GALNT13: variants seen among roughly 807,000 people sequenced by gnomAD.
The protein encoded by GALNT13 is UDP-GalNAc:polypeptide N-acetylgalactosaminyltransferase 13.
GALNT13 carries 28 observed loss-of-function variants against 64.2 expected under a neutral mutation model. That is an observed-to-expected ratio of 0.44 (90% CI 0.32 to 0.60). GALNT13 has a LOEUF of 0.60. Among genes scored for constraint, GALNT13 ranks in the 20% least tolerant of loss-of-function variants. The pLI, the probability that GALNT13 is intolerant of heterozygous loss-of-function variation, is 0.05. For synonymous variants in GALNT13, 214 were observed against 224.6 expected, an observed-to-expected ratio of 0.95 and a Z score of 0.42; for missense variants, 577 against 669.8, an observed-to-expected ratio of 0.86 and a Z score of 1.53.
chr2:153,560,465 A>G, the GALNT13 span, among the ~76,000 whole-genome samples: 1 of 151,922 alleles, frequency 6.6e-6, no homozygotes, highest in Admixed American at 6.6e-5. Flanking sequence ...TAGAATTTTA[A>G]TTTTTTATAC....
At chr2:153,594,967 A>G in the GALNT13 span, among the ~76,000 whole-genome samples, 1 of 152,164 alleles carries the variant, frequency 6.6e-6, no homozygotes, top group Non-Finnish European at 1.5e-5. Context: ...AGTCTCAGGA[A>G]TGATGAAGCT....
chr2:153,692,875 C>T, the GALNT13 span, among the ~76,000 whole-genome samples: 15 of 152,220 alleles, frequency 9.9e-5, no homozygotes, highest in East Asian at 2.7e-3. Flanking sequence ...GAGTAAGACT[C>T]ATGAAAACTC....
At chr2:153,265,022 C>T in the GALNT13 span, among the ~76,000 whole-genome samples, 1 of 152,218 alleles carries the variant, frequency 6.6e-6, no homozygotes, top group Non-Finnish European at 1.5e-5. Context: ...CCTTATTTTA[C>T]TGTGGCTGAG....
At chr2:153,760,290 A>C in the GALNT13 span, among the ~76,000 whole-genome samples, 1 of 151,460 alleles carries the variant, frequency 6.6e-6, no homozygotes, top group African/African-American at 2.4e-5. Flanking sequence ...TTTCTTTTCT[A>C]ACATTTATTT....
At chr2:153,375,178 T>G in the GALNT13 span, among the ~76,000 whole-genome samples, 1 of 152,192 alleles carries the variant, frequency 6.6e-6, no homozygotes, top group Non-Finnish European at 1.5e-5. Flanking sequence ...ACTTTACATT[T>G]AAATCTATGA....
At chr2:153,483,974 A>G in the GALNT13 span, among the ~76,000 whole-genome samples, 3 of 152,180 alleles carry the variant, frequency 2.0e-5, no homozygotes, top group Non-Finnish European at 2.9e-5. Flanking sequence ...GCACAAAAAT[A>G]TGAATCTACT....
intron 4 of GALNT13, among the ~76,000 whole-genome samples, chr2:154,160,642 T>A (rs1464801878): frequency 6.6e-6 from 1 of 152,112 alleles, no homozygotes; most frequent in Non-Finnish European, 1.5e-5. Context: ...GATTATAATT[T>A]TATGGCCATT....
the GALNT13 span, among the ~76,000 whole-genome samples, chr2:153,839,285 C>G: frequency 6.6e-6 from 1 of 151,714 alleles, no homozygotes; most frequent in Non-Finnish European, 1.5e-5. Context: ...GCTAGAACTT[C>G]TAGTACTATA....
chr2:153,142,348 TGAA>T, the GALNT13 span, among the ~76,000 whole-genome samples: 6 of 151,970 alleles, frequency 3.9e-5, no homozygotes, highest in Admixed American at 3.3e-4. Flanking sequence ...TGGAAGTAAT[TGAA>T]GATGATAAAC....
At chr2:153,149,604 C>G in the GALNT13 span, among the ~76,000 whole-genome samples, 2 of 151,892 alleles carry the variant, frequency 1.3e-5, no homozygotes, top group African/African-American at 4.8e-5. Context: ...GGAATGTCAC[C>G]ATGGAGATCC....
chr2:153,787,289 C>A, the GALNT13 span, among the ~76,000 whole-genome samples: 1 of 152,136 alleles, frequency 6.6e-6, no homozygotes, highest in Non-Finnish European at 1.5e-5. Context: ...GACCGCTACA[C>A]TTAAGTGCCA....
the GALNT13 span, among the ~76,000 whole-genome samples, chr2:153,077,586 T>G: frequency 6.6e-6 from 1 of 152,210 alleles, no homozygotes; most frequent in Admixed American, 6.5e-5. Context: ...TACGACTAGC[T>G]GAGGTTAAGT....
At chr2:154,261,722 G>A (rs562878835) in intron 8 of GALNT13, among the ~76,000 whole-genome samples, 144 of 152,102 alleles carry the variant, frequency 9.5e-4, no homozygotes, top group Non-Finnish European at 1.1e-3. Flanking sequence ...ACAGAGATGC[G>A]TAGGTGTTAT....
At chr2:154,017,678 G>A (rs1697102821) in intron 3 of GALNT13, among the ~76,000 whole-genome samples, 1 of 152,016 alleles carries the variant, frequency 6.6e-6, no homozygotes, top group Non-Finnish European at 1.5e-5. Flanking sequence ...TATCGCTCTG[G>A]CAAATGAGTA....
At chr2:153,728,206 C>T in the GALNT13 span, among the ~76,000 whole-genome samples, 32 of 152,212 alleles carry the variant, frequency 2.1e-4, no homozygotes, top group African/African-American at 7.7e-4. Context: ...AATAAACATA[C>T]GTGTGCATAT....
At chr2:153,432,528 G>A in the GALNT13 span, among the ~76,000 whole-genome samples, 1 of 152,182 alleles carries the variant, frequency 6.6e-6, no homozygotes, top group Non-Finnish European at 1.5e-5. Context: ...TTCAAGGTCA[G>A]TGACCCTACA....
At chr2:154,392,189 C>A (rs1698829176) in intron 9 of GALNT13, among the ~76,000 whole-genome samples, 1 of 152,158 alleles carries the variant, frequency 6.6e-6, no homozygotes, top group African/African-American at 2.4e-5. Context: ...GGAAGTCAAT[C>A]ACCAAGACAA....
upstream of GALNT13, among the ~76,000 whole-genome samples, chr2:153,868,789 G>T (rs977610230): frequency 6.6e-6 from 1 of 152,168 alleles, no homozygotes; most frequent in African/African-American, 2.4e-5. Flanking sequence ...TTATAGCCAA[G>T]AATTGTACAG....
chr2:153,391,605 G>A, the GALNT13 span, among the ~76,000 whole-genome samples: 1 of 152,002 alleles, frequency 6.6e-6, no homozygotes, highest in African/African-American at 2.4e-5. Context: ...CTGTGATAGG[G>A]ATTTTAAAAC....
Sources: allele counts gnomAD v4.1 joint callset (sites outside exome capture counted in the v4.1 genomes callset), GRCh38; gene constraint gnomAD v4.1.1; transcripts MANE v1.5; gene names NCBI Gene and HGNC (gene_info 2026-07-23, HGNC 2026-07-21).